Variants in SRPK2 observed in about 807,000 individuals in gnomAD.
SRPK2 encodes SRSF protein kinase 2, also known as SFRS protein kinase 2.
In SRPK2, 21 loss-of-function variants were observed where a neutral mutation model predicts 90.8. The ratio of observed to expected loss-of-function variants is 0.23; its 90% confidence interval spans 0.16 to 0.33. The LOEUF is 0.33. Among genes scored for constraint, SRPK2 ranks in the 10% least tolerant of loss-of-function variants. The pLI is 1.00. For synonymous variants in SRPK2, 288 were observed against 311.1 expected (o/e 0.93, Z 0.78); for missense variants, 620 against 869.0 (o/e 0.71, Z 3.60).
chr7:105,125,936 T>C (rs914729637), intron 15 of SRPK2: 9 of 875,924 alleles, frequency 1.0e-5, no homozygotes, highest in African/African-American at 1.7e-5. Context: ...GTACACTGCA[T>C]GCAGACACTA....
intron 2 of SRPK2, among the ~76,000 whole-genome samples, chr7:105,229,396 G>A (rs1215300225): frequency 1.3e-5 from 2 of 151,984 alleles, no homozygotes; most frequent in South Asian, 2.1e-4. Context: ...CCCGGGAGGC[G>A]GAGCTTGCAG....
chr7:105,312,968 A>T (rs1393140609), intron 2 of SRPK2, among the ~76,000 whole-genome samples: 1 of 152,176 alleles, frequency 6.6e-6, no homozygotes, highest in East Asian at 1.9e-4. Context: ...ATATTCCAGA[A>T]ATGAATAAAT....
upstream of SRPK2, among the ~76,000 whole-genome samples, chr7:105,393,959 C>T (rs1222732188): frequency 1.3e-5 from 2 of 151,870 alleles, no homozygotes; most frequent in East Asian, 3.9e-4. Context: ...TTGCTCCCCC[C>T]AAAAAGAACT....
Position 105,222,884 on chromosome 7 carries a change from G to GA in SRPK2, c.72-19100dup, listed in dbSNP as rs199672587. Among the ~76,000 whole-genome samples the GA allele has an allele frequency of 2.0e-4, 30 of 149,962 alleles. No homozygotes were observed. The South Asian group carries it at 3.4e-3, about 17-fold the overall frequency. ...CAGAGAAATTTATAATTTTACTGAT[G>GA]AAAAAAAAACAGCTAAACTCTAGTA... On this transcript the variant is annotated intron_variant, in intron 2 of 15. Transcript: ENST00000393651.
chr7:105,274,190 T>C (rs1269956926), intron 2 of SRPK2, among the ~76,000 whole-genome samples: 1 of 152,182 alleles, frequency 6.6e-6, no homozygotes, highest in Non-Finnish European at 1.5e-5. Context: ...AAGTATGTTT[T>C]ATCTAAGTTC....
intron 2 of SRPK2, among the ~76,000 whole-genome samples, chr7:105,318,914 G>A (rs1812600418): frequency 2.6e-5 from 4 of 152,188 alleles, no homozygotes; most frequent in African/African-American, 9.7e-5. Context: ...CCAAAGAATA[G>A]AGAGTCACAA....
chr7:105,145,191 T>C (rs1804405186), intron 9 of SRPK2, 92 bp downstream of exon 9: 2 of 997,652 alleles, frequency 2.0e-6, no homozygotes, highest in Non-Finnish European at 2.8e-6. Context: ...GTCTACCCTT[T>C]AAATACACAA....
chr7:105,296,118 T>A (rs1397880492), intron 2 of SRPK2, among the ~76,000 whole-genome samples: 1 of 152,224 alleles, frequency 6.6e-6, no homozygotes, highest in South Asian at 2.1e-4. Flanking sequence ...AAGAATACTT[T>A]GTGCAATCTC....
intron 2 of SRPK2, among the ~76,000 whole-genome samples, chr7:105,368,871 C>A (rs945903337): frequency 4.2e-5 from 5 of 117,998 alleles, no homozygotes; most frequent in Non-Finnish European, 8.3e-5. Flanking sequence ...GGTGACAAAG[C>A]GAAACTCTAT....
At chr7:105,320,191 A>T (rs961770464) in intron 2 of SRPK2, among the ~76,000 whole-genome samples, 2 of 152,178 alleles carry the variant, frequency 1.3e-5, no homozygotes, top group Non-Finnish European at 2.9e-5. Context: ...TGACACATAC[A>T]CACATTCTGT....
At chr7:105,376,266 G>A (rs1820287666) in intron 2 of SRPK2, among the ~76,000 whole-genome samples, 1 of 151,404 alleles carries the variant, frequency 6.6e-6, no homozygotes, top group African/African-American at 2.4e-5. Flanking sequence ...CAAAGTGCTG[G>A]GATTACAGGC....
At chr7:105,320,561 G>A (rs1311925455) in intron 2 of SRPK2, among the ~76,000 whole-genome samples, 3 of 152,008 alleles carry the variant, frequency 2.0e-5, no homozygotes, top group East Asian at 1.9e-4. Context: ...CTTGTAAGGC[G>A]ACCCATAAAA....
chr7:105,304,526 A>C (rs1029178634), intron 2 of SRPK2: 1 of 152,270 alleles, frequency 6.6e-6, no homozygotes, highest in Non-Finnish European at 1.5e-5. Context: ...AAACCACAGA[A>C]AGTGCACAGC....
chr7:105,288,399 G>A (rs1244525950), intron 2 of SRPK2, among the ~76,000 whole-genome samples: 1 of 152,098 alleles, frequency 6.6e-6, no homozygotes, highest in Non-Finnish European at 1.5e-5. Flanking sequence ...TTTGAGATCA[G>A]CCTGGCCAAC....
chr7:105,302,211 T>C (rs2131270159), intron 2 of SRPK2: 1 of 748,524 alleles, frequency 1.3e-6, no homozygotes, highest in South Asian at 1.5e-5. Context: ...GTTTCTTACA[T>C]TAAAAAGGTT....
intron 3 of SRPK2, among the ~76,000 whole-genome samples, chr7:105,178,426 A>G (rs1383395131): frequency 6.6e-6 from 1 of 152,248 alleles, no homozygotes; most frequent in African/African-American, 2.4e-5. Context: ...TTACAGTCAA[A>G]TATTTCCTAT....
At chr7:105,280,670 G>A (rs1029710014) in intron 2 of SRPK2, among the ~76,000 whole-genome samples, 12 of 146,004 alleles carry the variant, frequency 8.2e-5, no homozygotes, top group Admixed American at 2.7e-4. Context: ...GGGGGGGGCC[G>A]GGCACAGTGG....
At chr7:105,333,799 G>A (rs1814727227) in intron 2 of SRPK2, among the ~76,000 whole-genome samples, 1 of 152,218 alleles carries the variant, frequency 6.6e-6, no homozygotes, top group South Asian at 2.1e-4. Flanking sequence ...GCCTAATGCT[G>A]TAATAACTGA....
upstream of SRPK2, among the ~76,000 whole-genome samples, chr7:105,390,607 G>GGTTT (rs1822141664): frequency 9.2e-6 from 1 of 109,008 alleles, no homozygotes; most frequent in African/African-American, 3.9e-5. Context: ...TTTTGTTTTT[G>GGTTT]TTTTTTTTTT....
Sources: gnomAD v4.1 joint callset for allele counts (sites outside exome capture counted in the v4.1 genomes callset) on GRCh38, gnomAD v4.1.1 for gene constraint, MANE v1.5 for transcripts, NCBI Gene and HGNC (gene_info 2026-07-23, HGNC 2026-07-21) for gene names.